The following TJP2 variants were observed in gnomAD, a reference collection of about 807,000 sequenced individuals.
TJP2 encodes the protein Friedreich ataxia region gene X104 (tight junction protein ZO-2).
TJP2 carries 91 observed loss-of-function variants against 133.1 expected under a neutral mutation model. That is an observed-to-expected ratio of 0.68 (90% CI 0.58 to 0.81). The LOEUF (loss-of-function observed/expected upper bound fraction) is 0.81. TJP2 is among the 40% of genes least tolerant of loss of function. TJP2 has a pLI of 0.00. For missense variants in TJP2, 1,541 were observed against 1,565.6 expected (o/e 0.98, Z 0.26); for synonymous variants, 592 against 583.4 (o/e 1.01, Z -0.21).
chr9:69,138,228 T>C (rs1822860131), intron 1 of TJP2, among the ~76,000 whole-genome samples: 1 of 152,206 alleles, frequency 6.6e-6, no homozygotes, highest in African/African-American at 2.4e-5. Flanking sequence ...ATAATAGTTA[T>C]AAGTGGGTTT....
chr9:69,222,727 C>T (rs1828982765), intron 5 of TJP2, among the ~76,000 whole-genome samples: 2 of 152,102 alleles, frequency 1.3e-5, no homozygotes, highest in South Asian at 4.1e-4. Context: ...CTGGGCACCC[C>T]TTAGAAATGC....
chr9:69,164,791 G>C (rs1192746389), intron 2 of TJP2, among the ~76,000 whole-genome samples: 2 of 152,180 alleles, frequency 1.3e-5, no homozygotes, highest in Non-Finnish European at 2.9e-5. Flanking sequence ...GGAAAGCCGG[G>C]AAGTGAATGG....
Position 69,221,200 on chromosome 9 carries a change from G to A in TJP2, c.656G>A (p.Arg219Gln), listed in dbSNP as rs371548163. Reference protein sequence around the residue: ...HARTRDRSRGRSLERGLDHDF... With the variant: ...HARTRDRSRGQSLERGLDHDF... ...CGCACCCGAGACCGCAGCCGTGGCC[G>A]GAGCCTGGAGCGGGGCCTGGACCAC... The change falls in exon 5 of 23, where the codon CGG (arginine) becomes CAG (glutamine). Residue 219 changes from arginine (R) to glutamine (Q), a missense_variant. By Grantham distance (43) the Arg-to-Gln change is conservative (BLOSUM62 1). Coordinates refer to ENST00000377245, the MANE Select transcript of TJP2 (RefSeq NM_004817.4). 3.1e-6 allele frequency: 5 copies of A among 1,601,984 alleles called. No homozygotes were observed. The African/African-American group carries it at 5.4e-5, about 17-fold the overall frequency.
At position 69,234,534 on chromosome 9, in the gene TJP2, G is replaced by T. The variant is rs1484966542; in HGVS notation, c.1767G>T (p.Gln589His). ...PKGEMVTILA[Q>H]SRADVYRDIL... Reference sequence around the variant, plus strand: ...GTGAAATGGTGACCATTTTAGCTCAGAGCCGAGCCGATGGTGAGCAAATTT... The same window carrying T: ...GTGAAATGGTGACCATTTTAGCTCATAGCCGAGCCGATGGTGAGCAAATTT... The change falls in exon 12 of 23, where the codon CAG (glutamine) becomes CAT (histidine). Residue 589 changes from glutamine to histidine, a missense_variant. Gln to His is a conservative substitution (Grantham distance 24). Coordinates refer to ENST00000377245, the MANE Select transcript of TJP2 (RefSeq NM_004817.4). 8 of 1,589,230 alleles carry T rather than the reference G, an allele frequency of 5.0e-6. No homozygotes were observed. The highest frequency in any genetic ancestry group is 6.8e-6 in the Non-Finnish European group (8 of 1,168,392).
At position 69,230,278 on chromosome 9, in the gene TJP2, G is replaced by A. The variant is rs377693676; in HGVS notation, c.1671+46G>A. On this transcript the variant is annotated intron_variant, in intron 11 of 22. Transcript: ENST00000377245. ...TTTCTAGAAGTTACTTGTAAGGAGT[G>A]CACTTTTCTGGGTGTTCTTTCTGTA... The A allele has an allele frequency of 1.9e-3, 3,077 of 1,611,804 alleles. 7 individuals are homozygous for A. Among genetic ancestry groups the A allele is most frequent in the Non-Finnish European group, 2.4e-3 (2,838 of 1,178,634 alleles).
chr9:69,136,116 A>C (rs1029770175), intron 1 of TJP2, among the ~76,000 whole-genome samples: 14 of 152,222 alleles, frequency 9.2e-5, no homozygotes, highest in African/African-American at 3.1e-4. Context: ...GATACCACCA[A>C]GAAACTTTTA....
At chr9:69,176,203 C>G (rs1825072983) in intron 1 of TJP2, among the ~76,000 whole-genome samples, 1 of 152,204 alleles carries the variant, frequency 6.6e-6, no homozygotes, top group South Asian at 2.1e-4. Flanking sequence ...ACAGTTACCT[C>G]ACCCGAGCAA....
intron 4 of TJP2, 32 bp from the exon 5 acceptor site, chr9:69,220,855 C>T (rs1828766533): frequency 6.2e-7 from 1 of 1,603,982 alleles, no homozygotes; most frequent in Non-Finnish European, 8.5e-7. Flanking sequence ...TGTGATTGTC[C>T]TGCGTCCACA....
intron 19 of TJP2, chr9:69,249,051 T>C: frequency 9.6e-7 from 1 of 1,040,550 alleles, no homozygotes; most frequent in Non-Finnish European, 1.2e-6. Flanking sequence ...AACAAATTAG[T>C]TTATGCTAGA....
In TJP2 at chr9:69,203,044, A is replaced by ACTTAAGGGAAAGAAGTATT. The variant is rs573853486; in HGVS notation, c.61-9503_61-9485dup. Among the ~76,000 whole-genome samples the ACTTAAGGGAAAGAAGTATT allele has an allele frequency of 5.6e-4, 85 of 152,276 alleles. 2 individuals are homozygous for ACTTAAGGGAAAGAAGTATT. The East Asian group carries it at 0.016, about 29-fold the overall frequency. On this transcript the variant is annotated intron_variant, in intron 1 of 22. Transcript: ENST00000377245. ...TCTGACTTCTGGGTAGTATGCATGA[A>ACTTAAGGGAAAGAAGTATT]CTTAAGGGAAAGAAGTATTTATTTC...
Position 69,125,544 on chromosome 9 carries a change from C to T in TJP2, c.-131+3819C>T, listed in dbSNP as rs1822281079. Among the ~76,000 whole-genome samples, 3 of 74,452 alleles carry T rather than the reference C, an allele frequency of 4.0e-5. 1 individual carries two copies. In the South Asian group the frequency reaches 1.1e-3, roughly 28 times the overall value. The allele number at this position is 74,452 out of a possible 152,430, so 48.8% of individuals were successfully genotyped here. Reference sequence around the variant, plus strand: ...GAACTCCTGGCCTCAAGTGATCTGCCCACCTCGGCTTCCACCTTCCAAAGT... The same window carrying T: ...GAACTCCTGGCCTCAAGTGATCTGCTCACCTCGGCTTCCACCTTCCAAAGT... On this transcript the variant is annotated intron_variant, in intron 1 of 5. Transcript: ENST00000423935.
At chr9:69,232,194 AT>A (rs1334867058) in intron 11 of TJP2, among the ~76,000 whole-genome samples, 2 of 152,210 alleles carry the variant, frequency 1.3e-5, no homozygotes. Context: ...TTTTGCTGTC[AT>A]CCCATATGGA....
chr9:69,180,172 AAC>A (rs1825394215), intron 1 of TJP2, among the ~76,000 whole-genome samples: 1 of 152,192 alleles, frequency 6.6e-6, no homozygotes, highest in Admixed American at 6.5e-5. Context: ...GAATGTTTGT[AAC>A]CCATTGTGGG....
In TJP2 at chr9:69,150,920, T is replaced by G. The variant is rs1823443147; in HGVS notation, c.-130-731T>G. Among the ~76,000 whole-genome samples, 4 of 152,170 alleles carry G rather than the reference T, an allele frequency of 2.6e-5. No individual in the cohort carries two copies. The South Asian group carries it at 6.2e-4, about 24-fold the overall frequency. ...GGTATATCCATACAATGTAATATTA[T>G]TTGGCCATAAAAAGGAATGAAGTGC... On this transcript the variant is annotated intron_variant, in intron 1 of 5. Transcript: ENST00000423935.
intron 1 of TJP2, among the ~76,000 whole-genome samples, chr9:69,204,549 G>C (rs1022104633): frequency 6.6e-6 from 1 of 152,226 alleles, no homozygotes; most frequent in African/African-American, 2.4e-5. Context: ...TTACAAAAAG[G>C]TTAGACAGTG....
chr9:69,166,898 C>T (rs1564395514), intron 2 of TJP2, among the ~76,000 whole-genome samples: 1 of 152,340 alleles, frequency 6.6e-6, no homozygotes, highest in East Asian at 1.9e-4. Flanking sequence ...GATTGTGCCA[C>T]TGCACTCCAG....
At chr9:69,178,976 A>ATT (rs11415210) in intron 1 of TJP2, among the ~76,000 whole-genome samples, 282 of 149,474 alleles carry the variant, frequency 1.9e-3, no homozygotes, top group African/African-American at 4.2e-3. Flanking sequence ...TTTTTTTCTT[A>ATT]TTTTTTTTTT....
chr9:69,253,586 G>A (rs1831497050), intron 22 of TJP2: 3 of 161,588 alleles, frequency 1.9e-5, no homozygotes, highest in Admixed American at 1.7e-4. Context: ...CCGGGTAGCT[G>A]GGATTACAGG....
intron 1 of TJP2, among the ~76,000 whole-genome samples, chr9:69,177,645 T>C (rs1825193559): frequency 6.6e-6 from 1 of 151,884 alleles, no homozygotes; most frequent in Non-Finnish European, 1.5e-5. Flanking sequence ...TATTTTTGTT[T>C]TTTTGGTTTT....
Sources: gnomAD v4.1 joint callset for allele counts (sites outside exome capture counted in the v4.1 genomes callset) on GRCh38, gnomAD v4.1.1 for gene constraint, MANE v1.5 for transcripts, NCBI Gene and HGNC (gene_info 2026-07-23, HGNC 2026-07-21) for gene names.